Variants in ARMC9 observed in about 807,000 individuals in gnomAD.
ARMC9 encodes the protein armadillo repeat containing 9, also known as lisH domain-containing protein ARMC9.
A neutral mutation model predicts 107.0 loss-of-function variants in ARMC9; 94 were observed. The observed-to-expected ratio is 0.88, with a 90% confidence interval of 0.74 to 1.04. The LOEUF (loss-of-function observed/expected upper bound fraction) is 1.04. ARMC9 is among the 50% of genes least tolerant of loss of function. The pLI is 0.00. For synonymous variants in ARMC9, 380 were observed against 396.9 expected (o/e 0.96, Z 0.51); for missense variants, 942 against 1,030.1 (o/e 0.91, Z 1.17).
intron 3 of ARMC9, among the ~76,000 whole-genome samples, chr2:231,208,976 A>G (rs1315715108): frequency 6.6e-6 from 1 of 151,800 alleles, no homozygotes; most frequent in Non-Finnish European, 1.5e-5. Context: ...ATCTCGGCTC[A>G]TCACCACCTC....
At chr2:231,312,813 A>G (rs1399530566) in intron 19 of ARMC9, among the ~76,000 whole-genome samples, 1 of 152,282 alleles carries the variant, frequency 6.6e-6, no homozygotes, top group Non-Finnish European at 1.5e-5. Context: ...GTAGTATTGT[A>G]AGGACTCAAT....
intron 19 of ARMC9, among the ~76,000 whole-genome samples, chr2:231,324,425 G>A (rs538245968): frequency 1.4e-4 from 20 of 146,354 alleles, no homozygotes; most frequent in Admixed American, 6.8e-4. Context: ...TATAAAGTAC[G>A]TTTAATTAAA....
At chr2:231,257,969 C>G (rs1325199669) in intron 10 of ARMC9, among the ~76,000 whole-genome samples, 1 of 152,010 alleles carries the variant, frequency 6.6e-6, no homozygotes, top group East Asian at 1.9e-4. Flanking sequence ...TCTGGCTGAC[C>G]GAAGGTGGGT....
intron 21 of ARMC9, among the ~76,000 whole-genome samples, chr2:231,353,895 G>A (rs368139198): frequency 5.3e-5 from 8 of 151,692 alleles, no homozygotes; most frequent in East Asian, 3.9e-4. Context: ...TGTCGCACAG[G>A]TCTTTTCAGG....
At position 231,375,899 on chromosome 2, in the gene ARMC9, G is replaced by T. The variant is rs903670760; in HGVS notation, c.*4364G>T. 6.6e-6 allele frequency among the ~76,000 whole-genome samples: 1 copy of T among 152,196 alleles called. No individual in the cohort carries two copies. The highest frequency in any genetic ancestry group is 1.5e-5 in the Non-Finnish European group (1 of 68,038). On this transcript the variant is annotated 3_prime_UTR_variant, in exon 25 of 25. Transcript: ENST00000611582. The surrounding 1 kb of genome is among the most constrained non-coding windows in gnomAD (Gnocchi z 4.3). The stretch of plus-strand genomic sequence containing the variant: ...GGAAGTCAGGGACCCCAAACGGAGG[G>T]ACTGGCTGAAGCCATGACAGAAGAA...
intron 22 of ARMC9, among the ~76,000 whole-genome samples, chr2:231,357,178 C>T (rs1211737290): frequency 1.3e-5 from 2 of 152,192 alleles, no homozygotes; most frequent in South Asian, 2.1e-4. Context: ...AGTCTGGGCC[C>T]AGGCACATTC....
At position 231,232,965 on chromosome 2, in the gene ARMC9, C is replaced by G. The variant is rs192438426; in HGVS notation, c.623-2259C>G. ...TCCTGGGTTCAAGCGATTCTCCTGCCTCAGCCTACTGAGTAGCTGGGACTA... is the reference window on the plus strand; with the variant it reads ...TCCTGGGTTCAAGCGATTCTCCTGCGTCAGCCTACTGAGTAGCTGGGACTA... On this transcript the variant is annotated intron_variant, in intron 7 of 24. Transcript: ENST00000611582. Among the ~76,000 whole-genome samples the G allele has an allele frequency of 8.5e-3, 1,289 of 152,246 alleles. 6 individuals are homozygous for G. Among genetic ancestry groups the G allele is most frequent in the Non-Finnish European group, 0.014 (972 of 68,012 alleles).
intron 20 of ARMC9, 26 bp from the exon 21 acceptor site, chr2:231,344,949 C>A: frequency 1.2e-6 from 2 of 1,611,206 alleles, no homozygotes; most frequent in Non-Finnish European, 8.5e-7. Context: ...ATTTCTCCAG[C>A]CCTTTTTTCT....
At position 231,235,316 on chromosome 2, in the gene ARMC9, C is replaced by T. The variant is rs2035607725; in HGVS notation, c.715C>T (p.His239Tyr). 1.2e-6 allele frequency: 2 copies of T among 1,614,260 alleles called. No individual in the cohort carries two copies. Among genetic ancestry groups the T allele is most frequent in the Non-Finnish European group, 1.7e-6 (2 of 1,180,048 alleles). ...GTACAATAAGATCCAGGCCGACTAC[C>T]ACAATCTCATTGGAGTCACAGCAGA... ...KRYNKIQADY[H>Y]NLIGVTAELV... The change falls in exon 8 of 25, where the codon CAC becomes TAC. Residue 239 changes from histidine to tyrosine, a missense_variant. His to Tyr is a moderately conservative substitution (Grantham distance 83, BLOSUM62 2). Transcript: ENST00000611582.
chr2:231,312,153 T>C (rs1575043409), intron 19 of ARMC9, among the ~76,000 whole-genome samples: 1 of 152,200 alleles, frequency 6.6e-6, no homozygotes, highest in Non-Finnish European at 1.5e-5. Context: ...GACTTACTCA[T>C]GTGGCTTCAT....
rs1335015728 is a variant in ARMC9 at position 231,255,864 on chromosome 2, C to T, written c.880-722C>T. Among the ~76,000 whole-genome samples the T allele has an allele frequency of 6.6e-6, 1 of 152,054 alleles. No homozygotes were observed. Among genetic ancestry groups the T allele is most frequent in the Non-Finnish European group, 1.5e-5 (1 of 68,018 alleles). On this transcript the variant is annotated intron_variant, in intron 9 of 24. Coordinates refer to ENST00000611582, the MANE Select transcript of ARMC9 (RefSeq NM_001352754.2). This position sits in a 1 kb window ranked among gnomAD's most constrained non-coding sequence, Gnocchi z 4.7. ...CATCCTGGCTAACACGGTGAAACCCCGTTTCTACTAAAAATACTAAACAAA... is the reference window on the plus strand; with the variant it reads ...CATCCTGGCTAACACGGTGAAACCCTGTTTCTACTAAAAATACTAAACAAA...
intron 1 of ARMC9, among the ~76,000 whole-genome samples, chr2:231,203,476 G>A (rs2031418478): frequency 1.3e-5 from 2 of 152,188 alleles, no homozygotes; most frequent in South Asian, 2.1e-4. Flanking sequence ...GGCCTGAGCA[G>A]TACTCATCTC....
At chr2:231,211,403 G>C (rs952992239) in intron 3 of ARMC9, among the ~76,000 whole-genome samples, 13 of 151,836 alleles carry the variant, frequency 8.6e-5, no homozygotes, top group African/African-American at 2.7e-4. Context: ...ATAGTGGCAG[G>C]CACCTGTAAT....
At chr2:231,287,034 C>A (rs1273471622) in intron 17 of ARMC9, among the ~76,000 whole-genome samples, 1 of 152,204 alleles carries the variant, frequency 6.6e-6, no homozygotes, top group African/African-American at 2.4e-5. Context: ...GGGACCCCAA[C>A]AAACATCCTG....
intron 19 of ARMC9, among the ~76,000 whole-genome samples, chr2:231,301,987 GT>G (rs1181841769): frequency 1.3e-5 from 2 of 152,034 alleles, no homozygotes; most frequent in East Asian, 3.9e-4. Context: ...AAAAAAAAAA[GT>G]TAAATATATT....
rs754688653 is a variant in ARMC9, at chr2:231,258,982, G to T, written c.915-9G>T. ...TTTTCTTTCTCTTTGAACTTGTGTT[G>T]CTGAGTAGGAAATTGAAGGATGTCC... is the stretch of plus-strand genomic sequence containing the variant. On this transcript the variant is annotated splice_polypyrimidine_tract_variant and intron_variant, in intron 10 of 24. Transcript: ENST00000611582. 6.2e-7 allele frequency: 1 copy of T among 1,603,058 alleles called. No homozygotes were observed. The highest frequency in any genetic ancestry group is 2.2e-5 in the East Asian group (1 of 44,818).
intron 20 of ARMC9, among the ~76,000 whole-genome samples, chr2:231,337,571 G>A (rs1256920657): frequency 2.3e-5 from 3 of 131,492 alleles, no homozygotes; most frequent in Admixed American, 7.8e-5. Context: ...CCGGGTTCAC[G>A]CCATTCTCCT....
At chr2:231,262,224 C>A in intron 11 of ARMC9, 82 bp from the exon 12 acceptor site, 1 of 1,236,338 alleles carries the variant, frequency 8.1e-7, no homozygotes, top group Non-Finnish European at 1.2e-6. Flanking sequence ...ACTGATACTG[C>A]CATCTAAAAC....
Position 231,375,752 on chromosome 2 carries a change from G to A in ARMC9, c.*4217G>A, listed in dbSNP as rs1004518999. Among the ~76,000 whole-genome samples the A allele has an allele frequency of 6.6e-6, 1 of 152,230 alleles. No individual in the cohort carries two copies. The highest frequency in any genetic ancestry group is 2.1e-4 in the South Asian group (1 of 4,832). On this transcript the variant is annotated 3_prime_UTR_variant, in exon 25 of 25. Transcript: ENST00000611582. This position sits in a 1 kb window ranked among gnomAD's most constrained non-coding sequence, Gnocchi z 4.3. ...AGTCAGGGCTACAGAGCCCTATCCA[G>A]AGTCGTCATCTTAAGGTGTCTACTA...
Sources: allele counts gnomAD v4.1 joint callset (sites outside exome capture counted in the v4.1 genomes callset), GRCh38; gene constraint gnomAD v4.1.1; non-coding constraint Gnocchi (gnomAD v3.1); transcripts MANE v1.5; gene names NCBI Gene and HGNC (gene_info 2026-07-23, HGNC 2026-07-21).